RNF2: variants seen among roughly 807,000 people sequenced by gnomAD.
The protein encoded by RNF2 is E3 ubiquitin-protein ligase RING2.
RNF2 carries 6 observed loss-of-function variants against 37.2 expected under a neutral mutation model. The observed-to-expected ratio is 0.16, with a 90% CI of 0.09 to 0.32. The LOEUF (loss-of-function observed/expected upper bound fraction) is 0.32. Ranked by LOEUF, RNF2 falls within the 10% of genes least tolerant of loss-of-function variation. The pLI, the probability that RNF2 is intolerant of heterozygous loss-of-function variation, is 1.00. For synonymous variants in RNF2, 133 were observed against 132.7 expected (o/e 1.00, Z -0.02); for missense variants, 251 against 404.0 (o/e 0.62, Z 3.25).
intron 3 of RNF2, among the ~76,000 whole-genome samples, chr1:185,092,334 G>A (rs535384932): frequency 5.9e-5 from 9 of 151,914 alleles, no homozygotes; most frequent in African/African-American, 1.9e-4. Context: ...GTATCACCAC[G>A]CCTGGCTAAT....
At position 185,100,287 on chromosome 1, in the gene RNF2, A is replaced by G; in HGVS notation, c.997A>G (p.Lys333Glu). ...KPMELYYAPT[K>E]EHK Reference sequence around the variant, plus strand: ...CATGGAACTTTATTACGCACCTACAAAGGAGCACAAATGAGCCTTTAAAAA... The same window carrying G: ...CATGGAACTTTATTACGCACCTACAGAGGAGCACAAATGAGCCTTTAAAAA... The change falls in exon 7 of 7, where the codon AAG becomes GAG. Residue 333 changes from lysine (K) to glutamate (E), a missense_variant. This residue lies in a region of RNF2 where 59 missense variants were observed against 69.1 expected (regional missense o/e 0.85). Transcript: ENST00000367510. 1 of 1,609,294 alleles carries G rather than the reference A, an allele frequency of 6.2e-7. No individual in the cohort carries two copies. The highest frequency in any genetic ancestry group is 8.5e-7 in the Non-Finnish European group (1 of 1,178,332).
chr1:185,060,935 A>G (rs1018762047), intron 1 of RNF2, among the ~76,000 whole-genome samples: 21 of 152,124 alleles, frequency 1.4e-4, no homozygotes, highest in African/African-American at 5.1e-4. Flanking sequence ...CCTGGGCAAC[A>G]TAGCGAGATC....
chr1:185,086,463 G>A (rs899883928), intron 1 of RNF2, among the ~76,000 whole-genome samples: 1 of 151,930 alleles, frequency 6.6e-6, no homozygotes, highest in South Asian at 2.1e-4. Flanking sequence ...CATTTATATC[G>A]GGAAAGGAGG....
intron 1 of RNF2, among the ~76,000 whole-genome samples, chr1:185,068,616 A>G (rs1454221873): frequency 2.6e-5 from 4 of 152,250 alleles, no homozygotes; most frequent in Non-Finnish European, 5.9e-5. Flanking sequence ...CTGGAAGCCA[A>G]GTGCAATCCT....
At chr1:185,082,517 T>A (rs1484568918) in intron 1 of RNF2, among the ~76,000 whole-genome samples, 7 of 145,946 alleles carry the variant, frequency 4.8e-5, no homozygotes, top group Non-Finnish European at 1.0e-4. Context: ...ACCTGGCTAA[T>A]TTTTTTATTT....
At chr1:185,075,744 G>A (rs1237370834) in intron 1 of RNF2, among the ~76,000 whole-genome samples, 6 of 152,254 alleles carry the variant, frequency 3.9e-5, no homozygotes, top group Admixed American at 2.0e-4. Context: ...AACAGCAAGG[G>A]GGAAATCCAC....
chr1:185,073,351 A>C (rs1325970593), intron 1 of RNF2, among the ~76,000 whole-genome samples: 1 of 152,134 alleles, frequency 6.6e-6, no homozygotes, highest in Non-Finnish European at 1.5e-5. Flanking sequence ...TTACAATATC[A>C]AAACTTAGGA....
At chr1:185,094,933 T>C (rs924969314) in intron 4 of RNF2, among the ~76,000 whole-genome samples, 8 of 152,186 alleles carry the variant, frequency 5.3e-5, no homozygotes, top group African/African-American at 1.7e-4. Flanking sequence ...CAGAAAACTT[T>C]CAAATCTCAT....
chr1:185,092,958 G>A (rs908332029), intron 3 of RNF2, 103 bp from the exon 4 acceptor site: 18 of 928,370 alleles, frequency 1.9e-5, no homozygotes, highest in African/African-American at 1.7e-4. Context: ...CTTATTAAAG[G>A]TATTGGAATA....
At chr1:185,088,669 A>G (rs1197795965) in intron 2 of RNF2, among the ~76,000 whole-genome samples, 2 of 152,222 alleles carry the variant, frequency 1.3e-5, no homozygotes, top group Non-Finnish European at 2.9e-5. Context: ...AGACTTAACA[A>G]TACAGTTGGC....
At chr1:185,055,830 T>A (rs1650419339) in intron 1 of RNF2, among the ~76,000 whole-genome samples, 1 of 151,776 alleles carries the variant, frequency 6.6e-6, no homozygotes, top group Non-Finnish European at 1.5e-5. Flanking sequence ...TATGAACCTA[T>A]CCTTTTGTCC....
In RNF2 at chr1:185,049,721, G is replaced by T. The variant is rs554371403; in HGVS notation, c.-3+4072G>T. Among the ~76,000 whole-genome samples the T allele has an allele frequency of 7.9e-5, 12 of 151,858 alleles. No individual in the cohort carries two copies. In the East Asian group the frequency reaches 2.3e-3, roughly 29 times the overall value. ...GAACATTACAGTAATCAGAACCTAAGAGCTCAGAGAAGAGGTTCTATGGAC... is the reference window on the plus strand; with the variant it reads ...GAACATTACAGTAATCAGAACCTAATAGCTCAGAGAAGAGGTTCTATGGAC... On this transcript the variant is annotated intron_variant, in intron 1 of 6. Transcript: ENST00000367510.
intron 1 of RNF2, among the ~76,000 whole-genome samples, chr1:185,086,458 A>G (rs569570589): frequency 6.6e-6 from 1 of 152,218 alleles, no homozygotes; most frequent in South Asian, 2.1e-4. Context: ...CAGTTCATTT[A>G]TATCGGGAAA....
chr1:185,067,377 A>G (rs992786914), intron 1 of RNF2, among the ~76,000 whole-genome samples: 19 of 152,218 alleles, frequency 1.2e-4, no homozygotes, highest in Admixed American at 4.6e-4. Context: ...TTATTTGCCT[A>G]GTCTTGAGTA....
chr1:185,046,758 A>G lies in RNF2; in HGVS notation c.-3+1109A>G, dbSNP rs559551432. 4.6e-5 allele frequency among the ~76,000 whole-genome samples: 7 copies of G among 152,370 alleles called. No individual in the cohort carries two copies. In the East Asian group the frequency reaches 1.2e-3, roughly 25 times the overall value. Reference sequence around the variant, plus strand: ...GGTTTCAGTGTTCTAAACCGAGGATATGTTTAAAACGAATGTACGAGCGAT... The same window carrying G: ...GGTTTCAGTGTTCTAAACCGAGGATGTGTTTAAAACGAATGTACGAGCGAT... On this transcript the variant is annotated intron_variant, in intron 1 of 6. Transcript: ENST00000367510.
chr1:185,080,190 CTT>C (rs1010097827), intron 1 of RNF2, among the ~76,000 whole-genome samples: 4 of 152,156 alleles, frequency 2.6e-5, no homozygotes, highest in African/African-American at 9.7e-5. Context: ...TTCTTTTCCT[CTT>C]TGTCTACTCT....
At chr1:185,048,231 G>A (rs1650172617) in intron 1 of RNF2, among the ~76,000 whole-genome samples, 1 of 152,134 alleles carries the variant, frequency 6.6e-6, no homozygotes, top group Admixed American at 6.5e-5. Context: ...CCTGACTATA[G>A]GTGCTAAGAG....
At chr1:185,072,830 C>T (rs527755593) in intron 1 of RNF2, among the ~76,000 whole-genome samples, 7 of 152,188 alleles carry the variant, frequency 4.6e-5, no homozygotes, top group South Asian at 2.1e-4. Flanking sequence ...GTCCCAGCTA[C>T]TTGGGAGTCT....
In RNF2 at chr1:185,093,229, A is replaced by G; in HGVS notation, c.417A>G (p.Ala139=). ...ARINKHNNQQ[A]LSHSIEEGLK... ...TCAACAAGCACAATAATCAGCAAGC[A>G]CTCAGTCACAGCATTGAGGAAGGAC... Residue 139 remains alanine, a synonymous_variant, in exon 4 of 7, where the codon GCA becomes GCG. Coordinates refer to ENST00000367510, the MANE Select transcript of RNF2 (RefSeq NM_007212.4). The G allele has an allele frequency of 6.2e-7, 1 of 1,614,034 alleles. No individual in the cohort carries two copies. Among genetic ancestry groups the G allele is most frequent in the Non-Finnish European group, 8.5e-7 (1 of 1,179,972 alleles).
Sources: allele counts gnomAD v4.1 joint callset (sites outside exome capture counted in the v4.1 genomes callset), GRCh38; gene constraint gnomAD v4.1.1; regional missense constraint gnomAD v4.1.1; transcripts MANE v1.5; gene names NCBI Gene and HGNC (gene_info 2026-07-23, HGNC 2026-07-21).